Variants in PACSIN2 observed in about 807,000 individuals in gnomAD.
The protein encoded by PACSIN2 is protein kinase C and casein kinase substrate in neurons protein 2.
Under a neutral mutation model 63.8 loss-of-function variants are expected in PACSIN2, and 25 were observed. The ratio of observed to expected loss-of-function variants is 0.39; its 90% CI spans 0.29 to 0.55. The LOEUF is 0.55. Ranked by LOEUF, PACSIN2 falls within the 20% of genes least tolerant of loss-of-function variation. The pLI, the probability that PACSIN2 is intolerant of heterozygous loss-of-function variation, is 0.62. For synonymous variants in PACSIN2, 255 were observed against 256.2 expected, an observed-to-expected ratio of 1.00 and a Z score of 0.05; for missense variants, 518 against 646.9, an observed-to-expected ratio of 0.80 and a Z score of 2.16.
chr22:42,924,376 TG>T (rs1211634180), intron 1 of PACSIN2, among the ~76,000 whole-genome samples: 1 of 152,234 alleles, frequency 6.6e-6, no homozygotes, highest in African/African-American at 2.4e-5. Context: ...ATTTCATACT[TG>T]TACATACAAC....
chr22:42,874,357 CCATT>C (rs1928415721), intron 10 of PACSIN2, among the ~76,000 whole-genome samples: 2 of 151,474 alleles, frequency 1.3e-5, no homozygotes, highest in Non-Finnish European at 2.9e-5. Context: ...TCATTGAAGA[CCATT>C]CAAAGAAGAA....
chr22:42,995,559 T>C (rs1923340381), intron 1 of PACSIN2, among the ~76,000 whole-genome samples: 1 of 152,000 alleles, frequency 6.6e-6, no homozygotes, highest in Non-Finnish European at 1.5e-5. Context: ...AAAACCAGAG[T>C]GTGTATACAA....
intron 1 of PACSIN2, among the ~76,000 whole-genome samples, chr22:42,924,775 GAC>G (rs975355979): frequency 5.7e-5 from 8 of 139,688 alleles, no homozygotes; most frequent in Non-Finnish European, 1.1e-4. Context: ...TTTTTTTTTC[GAC>G]ACAGTGTCTA....
chr22:42,998,154 C>T (rs1019582845), intron 1 of PACSIN2, among the ~76,000 whole-genome samples: 1 of 152,176 alleles, frequency 6.6e-6, no homozygotes, highest in African/African-American at 2.4e-5. Context: ...GAAGGAAATA[C>T]AGGAAGTTGA....
chr22:42,884,334 C>T, intron 6 of PACSIN2, 52 bp downstream of exon 6: 7 of 1,537,626 alleles, frequency 4.6e-6, no homozygotes, highest in Non-Finnish European at 6.2e-6. Flanking sequence ...GCTTCAAAAG[C>T]ACTTTCCGTT....
At chr22:42,917,187 T>C (rs1037405571) in intron 1 of PACSIN2, among the ~76,000 whole-genome samples, 9 of 152,130 alleles carry the variant, frequency 5.9e-5, no homozygotes, top group African/African-American at 1.9e-4. Context: ...ATACAAAGGG[T>C]TGGAGCTTGC....
rs1273057394 is a variant in PACSIN2, at chr22:42,979,396, C to T, written c.-78+35625G>A. ...AAAATTAGCCAAGCGTGGTAGCAGG[C>T]GTCTGTAATCCCAGCTACTCCAAAG... On this transcript the variant is annotated intron_variant, in intron 1 of 10. Transcript: ENST00000263246. Among the ~76,000 whole-genome samples, 5 of 151,520 alleles carry T rather than the reference C, an allele frequency of 3.3e-5. No individual in the cohort carries two copies. In the East Asian group the frequency reaches 9.7e-4, roughly 29 times the overall value.
intron 1 of PACSIN2, among the ~76,000 whole-genome samples, chr22:42,931,873 G>C (rs549099865): frequency 1.3e-5 from 2 of 152,138 alleles, no homozygotes; most frequent in Non-Finnish European, 2.9e-5. Flanking sequence ...AACACAGGTG[G>C]TATTAATAAC....
chr22:42,995,024 C>G (rs751019339), intron 1 of PACSIN2, among the ~76,000 whole-genome samples: 5 of 152,260 alleles, frequency 3.3e-5, no homozygotes, highest in African/African-American at 4.8e-5. Context: ...CCTGGACTCC[C>G]TCTCAGGACC....
intron 2 of PACSIN2, among the ~76,000 whole-genome samples, chr22:42,911,538 TGGGTA>T (rs1931458844): frequency 2.6e-5 from 4 of 152,076 alleles, no homozygotes; most frequent in Middle Eastern, 6.8e-3. Flanking sequence ...GGGCCACTCA[TGGGTA>T]CAGACTGGCG....
At chr22:43,011,359 A>C (rs946099913) in intron 1 of PACSIN2, among the ~76,000 whole-genome samples, 3 of 152,244 alleles carry the variant, frequency 2.0e-5, no homozygotes, top group African/African-American at 7.2e-5. Flanking sequence ...GCCTCCACAA[A>C]GCTGCCATTA....
chr22:42,911,820 G>A (rs555170806), intron 2 of PACSIN2, among the ~76,000 whole-genome samples: 1 of 152,158 alleles, frequency 6.6e-6, no homozygotes, highest in African/African-American at 2.4e-5. Context: ...CACTGCCTTC[G>A]ATGATGGCTA....
At chr22:42,880,712 G>T (rs1037802037) in intron 7 of PACSIN2, 1 of 152,254 alleles carries the variant, frequency 6.6e-6, no homozygotes, top group African/African-American at 2.4e-5. Context: ...TGAATGCACA[G>T]GGGCTGGTTC....
Position 42,940,104 on chromosome 22 carries a change from G to A in PACSIN2, c.-77-27947C>T, listed in dbSNP as rs548132113. 1.8e-4 allele frequency among the ~76,000 whole-genome samples: 28 copies of A among 152,254 alleles called. 1 individual carries two copies. In the South Asian group the frequency reaches 4.6e-3, roughly 25 times the overall value. ...TCCTCCGAAGGCTGTAGGCAGGAGC[G>A]GGACAATGCTTGCTATCAGCTCCAC... On this transcript the variant is annotated intron_variant, in intron 1 of 10. Transcript: ENST00000263246.
At chr22:42,885,901 C>T (rs1435383094) in intron 5 of PACSIN2, among the ~76,000 whole-genome samples, 3 of 152,176 alleles carry the variant, frequency 2.0e-5, no homozygotes, top group Non-Finnish European at 4.4e-5. Context: ...TGGCTATTCC[C>T]CTATTCCCCA....
At chr22:42,947,177 G>A (rs191168344) in intron 1 of PACSIN2, 1 of 152,536 alleles carries the variant, frequency 6.6e-6, no homozygotes, top group East Asian at 1.9e-4. Flanking sequence ...TGGGTCAGGA[G>A]GCTGCCCTTT....
intron 1 of PACSIN2, among the ~76,000 whole-genome samples, chr22:43,011,634 T>C (rs912614217): frequency 1.3e-5 from 2 of 152,194 alleles, no homozygotes; most frequent in Non-Finnish European, 2.9e-5. Context: ...CAAGGACATC[T>C]GCGAGGCCGA....
chr22:42,988,522 G>C (rs1212141960), intron 1 of PACSIN2, among the ~76,000 whole-genome samples: 1 of 152,228 alleles, frequency 6.6e-6, no homozygotes, highest in East Asian at 1.9e-4. Context: ...GCAACCTGTA[G>C]AAGTCCAGGC....
At chr22:42,981,283 T>C (rs1478754569) in intron 1 of PACSIN2, among the ~76,000 whole-genome samples, 1 of 122,512 alleles carries the variant, frequency 8.2e-6, no homozygotes. Context: ...AGCCCCTCCG[T>C]CCGGCAACCA....
Sources: gnomAD v4.1 joint callset for allele counts (sites outside exome capture counted in the v4.1 genomes callset) on GRCh38, gnomAD v4.1.1 for gene constraint, MANE v1.5 for transcripts, NCBI Gene and HGNC (gene_info 2026-07-23, HGNC 2026-07-21) for gene names.